TBC1D8B: variants seen among roughly 807,000 people sequenced by gnomAD.
The protein encoded by TBC1D8B is TBC1 domain family member 8B.
Under a neutral mutation model 82.9 loss-of-function variants are expected in TBC1D8B, and 75 were observed. The observed-to-expected ratio is 0.90, with a 90% confidence interval of 0.75 to 1.10. The LOEUF is 1.10. Among genes scored for constraint, TBC1D8B ranks in the 50% least tolerant of loss-of-function variants. The probability of loss-of-function intolerance (pLI) is 0.00; values close to 1 mark genes in which losing one functional copy is unlikely to be tolerated. For synonymous variants in TBC1D8B, 276 were observed against 276.8 expected (o/e 1.00, Z 0.03); for missense variants, 794 against 796.9 (o/e 1.00, Z 0.04).
intron 16 of TBC1D8B, among the ~76,000 whole-genome samples, chrX:106,866,270 G>T (rs745986921): frequency 9.0e-6 from 1 of 111,485 alleles, no homozygotes; most frequent in South Asian, 3.8e-4. Flanking sequence ...ACATAAGGAA[G>T]ATAACGTCCC....
Position 106,848,206 on chromosome X carries a change from A to G in TBC1D8B, c.1740A>G (p.Ser580=), listed in dbSNP as rs761361884. Residue 580 remains serine, a synonymous_variant, in exon 11 of 21, where the codon TCA becomes TCG. Transcript: ENST00000357242. ...GYCQAMNILT[S]VLLLYAKEEE... is the part of the protein sequence containing the mutation. Reference sequence around the variant, plus strand: ...TTTAGGCAATGAATATTTTGACTTCAGTGCTGCTTCTATATGCAAAAGAGG... The same window carrying G: ...TTTAGGCAATGAATATTTTGACTTCGGTGCTGCTTCTATATGCAAAAGAGG... 1 of 1,189,806 alleles carries G rather than the reference A, an allele frequency of 8.4e-7. No individual in the cohort carries two copies. Among genetic ancestry groups the G allele is most frequent in the South Asian group, 1.9e-5 (1 of 52,930 alleles).
In TBC1D8B at chrX:106,869,512, C is replaced by G; in HGVS notation, c.2840C>G (p.Ala947Gly). 8.3e-7 allele frequency: 1 copy of G among 1,207,397 alleles called. No homozygotes were observed. Among genetic ancestry groups the G allele is most frequent in the Non-Finnish European group, 1.1e-6 (1 of 892,580 alleles). ...TCCAAGCCTGCAAATGAGAAGGAAG[C>G]AGAATCAGCAAAACACAGCCCTGAA... ...HVSKPANEKE[A>G]ESAKHSPEKG... Residue 947 changes from alanine (A) to glycine (G), a missense_variant, in exon 19 of 21, where the codon GCA becomes GGA. Coordinates refer to ENST00000357242, the MANE Select transcript of TBC1D8B (RefSeq NM_017752.3).
rs373077726 is a variant in TBC1D8B at position 106,802,803 on chromosome X, G to A, written c.-51G>A. The A allele has an allele frequency of 2.5e-6, 3 of 1,203,086 alleles. No individual in the cohort carries two copies. The highest frequency in any genetic ancestry group is 3.4e-6 in the Non-Finnish European group (3 of 890,237). ...AGAGGGGAAGAGACGGGTTGAGAGT[G>A]AGGTGAGGAGGGCATCTAGGTCACT... On this transcript the variant is annotated 5_prime_UTR_variant, in exon 1 of 21. Coordinates refer to ENST00000357242, the MANE Select transcript of TBC1D8B (RefSeq NM_017752.3).
chrX:106,854,168 G>A, intron 13 of TBC1D8B, 30 bp from the exon 14 acceptor site: 1 of 1,002,636 alleles, frequency 1.0e-6, no homozygotes, highest in Non-Finnish European at 1.3e-6. Flanking sequence ...TATTATGAGT[G>A]AGTAGCCACT....
intron 20 of TBC1D8B, 24 bp from the exon 21 acceptor site, chrX:106,873,546 A>T: frequency 8.5e-7 from 1 of 1,170,525 alleles, no homozygotes. Context: ...TTCAAACGTG[A>T]TATTTTCAAC....
At chrX:106,825,671 G>A (rs997178427) in intron 5 of TBC1D8B, among the ~76,000 whole-genome samples, 2 of 110,970 alleles carry the variant, frequency 1.8e-5, no homozygotes, top group Admixed American at 1.9e-4. Flanking sequence ...AACCAGATAG[G>A]AACATTGTTG....
chrX:106,826,210 G>A lies in TBC1D8B; in HGVS notation c.1008G>A (p.Gln336=). The change falls in exon 6 of 21, where the codon CAG becomes CAA. Residue 336 remains glutamine (Q), a synonymous_variant. Coordinates refer to ENST00000357242, the MANE Select transcript of TBC1D8B (RefSeq NM_017752.3). ...GCTTTGCTAGCCAAGATGGCAATCA[G>A]TGTAGTGTAATCATTCCACTACGAG... The part of the protein sequence containing the change: ...YICFASQDGN[Q]CSVIIPLREV... The A allele has an allele frequency of 8.3e-7, 1 of 1,210,219 alleles. No homozygotes were observed. Among genetic ancestry groups the A allele is most frequent in the Non-Finnish European group, 1.1e-6 (1 of 894,621 alleles).
chrX:106,850,470 A>G lies in TBC1D8B; in HGVS notation c.2123+160A>G, dbSNP rs150137990. Among the ~76,000 whole-genome samples the G allele has an allele frequency of 2.4e-3, 266 of 112,125 alleles. 1 individual carries two copies. Among genetic ancestry groups the G allele is most frequent in the African/African-American group, 7.4e-3 (228 of 30,932 alleles). On this transcript the variant is annotated intron_variant, in intron 12 of 20. Transcript: ENST00000357242. Reference sequence around the variant, plus strand: ...AGCTACACCTAAAGTCCAGTCCTCTATCTCCAGAAAAAATATAGCAAGAAT... The same window carrying G: ...AGCTACACCTAAAGTCCAGTCCTCTGTCTCCAGAAAAAATATAGCAAGAAT...
chrX:106,842,599 TGC>T (rs1932334704), intron 10 of TBC1D8B, among the ~76,000 whole-genome samples: 1 of 82,763 alleles, frequency 1.2e-5, no homozygotes, highest in African/African-American at 4.5e-5. Flanking sequence ...CTGGCTAGCT[TGC>T]TCTATCTATC....
chrX:106,871,811 A>T (rs1932849717), intron 20 of TBC1D8B, among the ~76,000 whole-genome samples: 1 of 111,975 alleles, frequency 8.9e-6, no homozygotes, highest in Admixed American at 9.5e-5. Flanking sequence ...TCAGAGAAAT[A>T]GTTATATTTA....
chrX:106,830,308 G>A (rs1422696891), intron 7 of TBC1D8B, among the ~76,000 whole-genome samples: 14 of 111,364 alleles, frequency 1.3e-4, no homozygotes, highest in Middle Eastern at 4.7e-3. Context: ...GGTGCTGGAG[G>A]GGATGTGGAG....
intron 12 of TBC1D8B, among the ~76,000 whole-genome samples, chrX:106,851,950 A>G (rs1360133538): frequency 9.1e-6 from 1 of 110,156 alleles, no homozygotes; most frequent in Non-Finnish European, 1.9e-5. Context: ...TGGCTGGGTC[A>G]AATGGTATTT....
intron 12 of TBC1D8B, among the ~76,000 whole-genome samples, chrX:106,852,566 G>T (rs775425051): frequency 1.8e-5 from 2 of 111,008 alleles, no homozygotes; most frequent in Non-Finnish European, 3.8e-5. Flanking sequence ...ATGTAAGTCT[G>T]TAATCCATCT....
intron 1 of TBC1D8B, among the ~76,000 whole-genome samples, chrX:106,811,723 G>C (rs944271952): frequency 9.9e-5 from 11 of 111,294 alleles, no homozygotes; most frequent in Non-Finnish European, 1.7e-4. Context: ...TAGAAATTCA[G>C]GTGTTGCAAT....
intron 1 of TBC1D8B, among the ~76,000 whole-genome samples, chrX:106,811,704 C>T (rs1417000008): frequency 2.7e-5 from 3 of 111,597 alleles, no homozygotes; most frequent in South Asian, 3.7e-4. Context: ...TTGCTTTCTT[C>T]TTTGTACCTA....
In TBC1D8B at chrX:106,874,599, C is replaced by T. The variant is rs1382304035; in HGVS notation, c.*634C>T. ...GAGGGGTTCAGAGGCTGCTGACTCACACTGCTAACTCTGTTACTGACAAAA... is the reference window on the plus strand; with the variant it reads ...GAGGGGTTCAGAGGCTGCTGACTCATACTGCTAACTCTGTTACTGACAAAA... On this transcript the variant is annotated 3_prime_UTR_variant, in exon 21 of 21. Coordinates refer to ENST00000357242, the MANE Select transcript of TBC1D8B (RefSeq NM_017752.3). 8.9e-6 allele frequency: 1 copy of T among 111,732 alleles called. No individual in the cohort carries two copies. The highest frequency in any genetic ancestry group is 3.3e-5 in the African/African-American group (1 of 30,720). 9.2% of individuals were successfully genotyped at this position (111,732 alleles called of 1,213,427 possible). A position where few individuals can be genotyped will look rare whatever the true frequency, so the allele number is the denominator to read the frequency against.
chrX:106,870,777 A>G lies in TBC1D8B; in HGVS notation c.2931A>G (p.Lys977=). The G allele has an allele frequency of 8.3e-7, 1 of 1,201,564 alleles. No homozygotes were observed. The highest frequency in any genetic ancestry group is 1.1e-6 in the Non-Finnish European group (1 of 888,512). The change falls in exon 20 of 21, where the codon AAA becomes AAG. Residue 977 remains lysine, a synonymous_variant. Coordinates refer to ENST00000357242, the MANE Select transcript of TBC1D8B (RefSeq NM_017752.3). ...AATGGCAAGATGAGCTTTTCAAAAA[A>G]GAAGAAAACATTAAGGATTTACCAA... The part of the protein sequence containing the change: ...LSQWQDELFK[K]EENIKDLPRM...
Position 106,865,827 on chromosome X carries a change from G to A in TBC1D8B, c.2456G>A (p.Gly819Asp). ...TTTTTATCTTGTTATTGGTGTTTGG[G>A]TTGCCCAGTATTGAAGCATCATGAC... ...ELFLSCYWCL[G>D]CPVLKHHDPS... Residue 819 changes from glycine (G) to aspartate (D), a missense_variant, in exon 16 of 21, where the codon GGT becomes GAT. Coordinates refer to ENST00000357242, the MANE Select transcript of TBC1D8B (RefSeq NM_017752.3). 1 of 1,207,017 alleles carries A rather than the reference G, an allele frequency of 8.3e-7. No individual in the cohort carries two copies. Among genetic ancestry groups the A allele is most frequent in the South Asian group, 1.8e-5 (1 of 55,801 alleles).
At chrX:106,826,355 A>G in intron 6 of TBC1D8B, 118 bp downstream of exon 6, 1 of 547,461 alleles carries the variant, frequency 1.8e-6, no homozygotes, top group Non-Finnish European at 2.9e-6. Flanking sequence ...CCTTTTAGTA[A>G]TTTAAAATAA....
Sources: gnomAD v4.1 joint callset for allele counts (sites outside exome capture counted in the v4.1 genomes callset) on GRCh38, gnomAD v4.1.1 for gene constraint, MANE v1.5 for transcripts, NCBI Gene and HGNC (gene_info 2026-07-23, HGNC 2026-07-21) for gene names.